Variants in CCSER1 observed in about 807,000 individuals in gnomAD.
The protein encoded by CCSER1 is serine-rich coiled-coil domain-containing protein 1.
Under a neutral mutation model 82.0 loss-of-function variants are expected in CCSER1, and 41 were observed. The observed-to-expected ratio is 0.50, with a 90% CI of 0.39 to 0.65. The LOEUF (loss-of-function observed/expected upper bound fraction) is 0.65. CCSER1 is among the 30% of genes least tolerant of loss of function. CCSER1 has a pLI of 0.00. For missense variants in CCSER1, 1,119 were observed against 1,064.2 expected (o/e 1.05, Z -0.72); for synonymous variants, 414 against 383.9 (o/e 1.08, Z -0.92).
chr4:90,771,566 A>T (rs1360885789), intron 7 of CCSER1, among the ~76,000 whole-genome samples: 6 of 72,366 alleles, frequency 8.3e-5, no homozygotes, highest in Admixed American at 3.0e-4. Flanking sequence ...GCCGGGCACT[A>T]AAAAAAAAAA....
chr4:90,913,338 A>G (rs1726738299), intron 8 of CCSER1, among the ~76,000 whole-genome samples: 1 of 152,224 alleles, frequency 6.6e-6, no homozygotes, highest in Admixed American at 6.5e-5. Flanking sequence ...GCCAATATTC[A>G]ACATTCTTAA....
intron 5 of CCSER1, among the ~76,000 whole-genome samples, chr4:90,567,068 T>C (rs527828290): frequency 2.0e-4 from 30 of 151,962 alleles, no homozygotes; most frequent in African/African-American, 7.0e-4. Context: ...TTTAATTTTT[T>C]CTATTGGCTT....
chr4:91,365,451 T>A (rs559724105), intron 10 of CCSER1, among the ~76,000 whole-genome samples: 1 of 152,252 alleles, frequency 6.6e-6, no homozygotes, highest in East Asian at 1.9e-4. Context: ...ATGTGCAAAG[T>A]AGATGATATT....
chr4:91,453,489 T>G (rs1755978406), intron 10 of CCSER1, among the ~76,000 whole-genome samples: 1 of 152,074 alleles, frequency 6.6e-6, no homozygotes, highest in Non-Finnish European at 1.5e-5. Flanking sequence ...CAGAGCACTT[T>G]TCTCCTAAAG....
intron 4 of CCSER1, among the ~76,000 whole-genome samples, chr4:90,424,649 A>G (rs564616106): frequency 6.6e-6 from 1 of 152,280 alleles, no homozygotes; most frequent in South Asian, 2.1e-4. Context: ...CTACATTTTT[A>G]TACCCCTGTG....
At chr4:91,288,883 G>A (rs150501912) in intron 10 of CCSER1, among the ~76,000 whole-genome samples, 2 of 152,140 alleles carry the variant, frequency 1.3e-5, no homozygotes, top group East Asian at 2.0e-4. Flanking sequence ...AGCCAGGAAC[G>A]TAGTGCCTGC....
intron 10 of CCSER1, among the ~76,000 whole-genome samples, chr4:91,145,889 T>A (rs901625528): frequency 3.3e-5 from 5 of 152,216 alleles, no homozygotes; most frequent in African/African-American, 7.2e-5. Flanking sequence ...TAACATTTTT[T>A]CTTGCACATT....
chr4:90,946,012 G>A (rs1388641209), intron 9 of CCSER1, among the ~76,000 whole-genome samples: 1 of 152,036 alleles, frequency 6.6e-6, no homozygotes. Flanking sequence ...CAAGTATTCT[G>A]CTCAATAGGG....
intron 1 of CCSER1, among the ~76,000 whole-genome samples, chr4:90,208,736 G>T (rs750063025): frequency 1.6e-4 from 25 of 152,042 alleles, no homozygotes; most frequent in Admixed American, 5.2e-4. Flanking sequence ...AGTCCCTCCT[G>T]GCTTCCCTTG....
chr4:91,520,688 T>C (rs1360684564), intron 10 of CCSER1, among the ~76,000 whole-genome samples: 1 of 152,194 alleles, frequency 6.6e-6, no homozygotes, highest in Non-Finnish European at 1.5e-5. Context: ...CTCCATTTAG[T>C]ACTTCTTGTA....
intron 6 of CCSER1, among the ~76,000 whole-genome samples, chr4:90,638,602 C>A (rs536229498): frequency 6.6e-6 from 1 of 152,294 alleles, no homozygotes; most frequent in African/African-American, 2.4e-5. Flanking sequence ...TAGATAATGA[C>A]ATCTCTTAGA....
intron 9 of CCSER1, among the ~76,000 whole-genome samples, chr4:91,009,170 C>T (rs1299928501): frequency 6.6e-6 from 1 of 152,134 alleles, no homozygotes; most frequent in African/African-American, 2.4e-5. Flanking sequence ...AAAAGCTCAG[C>T]TCCAGCCTTA....
chr4:90,614,239 G>A (rs1720795109), intron 5 of CCSER1, among the ~76,000 whole-genome samples: 1 of 152,126 alleles, frequency 6.6e-6, no homozygotes, highest in Admixed American at 6.5e-5. Context: ...GTGGATAAAT[G>A]TGTGTGTTCT....
chr4:90,494,718 C>A (rs1352381460), intron 5 of CCSER1, among the ~76,000 whole-genome samples: 1 of 152,090 alleles, frequency 6.6e-6, no homozygotes, highest in Non-Finnish European at 1.5e-5. Flanking sequence ...TTGAAGACTA[C>A]CTATTTTTTG....
At chr4:90,159,750 A>ATTC (rs1229093210) in intron 1 of CCSER1, among the ~76,000 whole-genome samples, 1 of 152,262 alleles carries the variant, frequency 6.6e-6, no homozygotes, top group African/African-American at 2.4e-5. Flanking sequence ...GGTGGTCAGT[A>ATTC]TTCTGTTCAT....
intron 10 of CCSER1, among the ~76,000 whole-genome samples, chr4:91,405,433 A>G (rs1752635886): frequency 6.6e-6 from 1 of 152,240 alleles, no homozygotes; most frequent in Admixed American, 6.5e-5. Context: ...CAAAAGCAAC[A>G]GTAACAAAAG....
chr4:91,057,975 C>T (rs1280832590), intron 9 of CCSER1, among the ~76,000 whole-genome samples: 1 of 152,144 alleles, frequency 6.6e-6, no homozygotes, highest in Non-Finnish European at 1.5e-5. Flanking sequence ...ATGGTAACAT[C>T]TGCACCCTCT....
intron 5 of CCSER1, among the ~76,000 whole-genome samples, chr4:90,503,778 T>C (rs1464777155): frequency 6.6e-6 from 1 of 152,160 alleles, no homozygotes; most frequent in Non-Finnish European, 1.5e-5. Context: ...TTCCATGGTG[T>C]ATTATAAATA....
intron 3 of CCSER1, among the ~76,000 whole-genome samples, chr4:90,340,667 T>C (rs2153504032): frequency 6.6e-6 from 1 of 152,306 alleles, no homozygotes; most frequent in African/African-American, 2.4e-5. Flanking sequence ...AACTTTTCTG[T>C]GCTTTACAAT....
Sources: gnomAD v4.1 joint callset for allele counts (sites outside exome capture counted in the v4.1 genomes callset) on GRCh38, gnomAD v4.1.1 for gene constraint, MANE v1.5 for transcripts, NCBI Gene and HGNC (gene_info 2026-07-23, HGNC 2026-07-21) for gene names.